ZPBP: variants seen among roughly 807,000 people sequenced by gnomAD.
ZPBP encodes zona pellucida binding protein.
A neutral mutation model predicts 44.8 loss-of-function variants in ZPBP; 26 were observed. The observed-to-expected ratio is 0.58, with a 90% CI of 0.43 to 0.81. The LOEUF is 0.81. ZPBP is among the 30% of genes least tolerant of loss of function. The pLI is 0.00. For synonymous variants in ZPBP, 174 were observed against 153.2 expected, an observed-to-expected ratio of 1.14 and a Z score of -1.00; for missense variants, 409 against 434.0, an observed-to-expected ratio of 0.94 and a Z score of 0.51.
chr7:49,982,309 T>TA (rs372716322), intron 7 of ZPBP, among the ~76,000 whole-genome samples: 17 of 17,426 alleles, frequency 9.8e-4, no homozygotes, highest in African/African-American at 8.7e-3. Context: ...TAATATATAA[T>TA]TATATAATAT....
chr7:49,880,097 G>A (rs374271881), intron 2 of ZPBP, among the ~76,000 whole-genome samples: 49 of 152,192 alleles, frequency 3.2e-4, no homozygotes, highest in African/African-American at 1.1e-3. Context: ...AATAACTCCC[G>A]TTAGATTTTG....
At chr7:49,859,692 C>T (rs1021633166) in intron 2 of ZPBP, among the ~76,000 whole-genome samples, 8 of 152,296 alleles carry the variant, frequency 5.3e-5, no homozygotes, top group Non-Finnish European at 8.8e-5. Flanking sequence ...TGTTGCCAAT[C>T]GGTGGGCAAG....
At chr7:49,900,892 G>C (rs1332669050) in intron 2 of ZPBP, among the ~76,000 whole-genome samples, 4 of 151,810 alleles carry the variant, frequency 2.6e-5, no homozygotes, top group Admixed American at 2.6e-4. Context: ...ACCCAACCAT[G>C]TGTAAGAATA....
At chr7:50,076,686 CA>C (rs1303690571) in intron 3 of ZPBP, among the ~76,000 whole-genome samples, 1 of 150,692 alleles carries the variant, frequency 6.6e-6, no homozygotes, top group Non-Finnish European at 1.5e-5. Context: ...AGGAATTAAC[CA>C]AAAAAGTGAA....
chr7:49,972,315 A>T (rs755252856), intron 7 of ZPBP, among the ~76,000 whole-genome samples: 7 of 152,012 alleles, frequency 4.6e-5, no homozygotes, highest in Non-Finnish European at 8.8e-5. Context: ...TTCACAGATG[A>T]CATTATCTTT....
chr7:50,049,796 A>AT (rs1800592766), intron 4 of ZPBP, among the ~76,000 whole-genome samples: 1 of 151,902 alleles, frequency 6.6e-6, no homozygotes, highest in Non-Finnish European at 1.5e-5. Flanking sequence ...TTTTCAACAT[A>AT]TATCTAAAGT....
intron 3 of ZPBP, among the ~76,000 whole-genome samples, chr7:50,073,450 A>G (rs1672649078): frequency 1.3e-5 from 2 of 152,140 alleles, no homozygotes; most frequent in African/African-American, 4.8e-5. Context: ...ATTGGCCTTA[A>G]TGAGGAGACA....
intron 7 of ZPBP, among the ~76,000 whole-genome samples, chr7:49,939,279 A>G (rs1794756280): frequency 6.6e-6 from 1 of 152,220 alleles, no homozygotes; most frequent in African/African-American, 2.4e-5. Context: ...TATATTGATT[A>G]TCAAAAATAG....
chr7:49,943,271 A>T (rs912105181), intron 7 of ZPBP: 1 of 287,872 alleles, frequency 3.5e-6, no homozygotes, highest in Non-Finnish European at 6.8e-6. Flanking sequence ...TGCAGTCTTC[A>T]GGGGTCTTAA....
chr7:49,912,194 C>T, intron 1 of ZPBP: 1 of 1,613,252 alleles, frequency 6.2e-7, no homozygotes, highest in Non-Finnish European at 8.5e-7. Flanking sequence ...AGACGCTTCC[C>T]AGAACACAAA....
rs1801060994 is a variant in ZPBP at position 50,058,129 on chromosome 7, G to C, written c.347C>G (p.Thr116Ser). 1 of 1,613,698 alleles carries C rather than the reference G, an allele frequency of 6.2e-7. No homozygotes were observed. Among genetic ancestry groups the C allele is most frequent in the African/African-American group, 1.3e-5 (1 of 75,028 alleles). ...KGKVVSVENR[T>S]AQITSTGSLV... is the part of the protein sequence containing the mutation. ...GCTTCCTGTGGATGTTATTTGTGCAGTGCGGTTTTCTACTAAAGGAATAAG... is the reference window on the plus strand; with the variant it reads ...GCTTCCTGTGGATGTTATTTGTGCACTGCGGTTTTCTACTAAAGGAATAAG... The change falls in exon 4 of 8, where the codon ACT becomes AGT. Residue 116 changes from threonine to serine, a missense_variant. Physicochemically the swap from Thr to Ser is moderately conservative, Grantham distance 58. Around this residue, in one of 2 missense-constraint regions of ZPBP, gnomAD observed 367 missense variants for 363.1 expected, o/e 1.01. Coordinates refer to ENST00000046087, the MANE Select transcript of ZPBP (RefSeq NM_007009.3).
chr7:49,973,756 C>T (rs1796391445), intron 7 of ZPBP, among the ~76,000 whole-genome samples: 1 of 152,100 alleles, frequency 6.6e-6, no homozygotes, highest in Non-Finnish European at 1.5e-5. Flanking sequence ...AATGGTGCAG[C>T]TGTTGTGGAA....
chr7:50,092,898 CAG>C (rs1803063315), intron 1 of ZPBP, 168 bp downstream of exon 1: 1 of 1,013,672 alleles, frequency 9.9e-7, no homozygotes, highest in South Asian at 1.8e-5. Context: ...TATGCAAATG[CAG>C]AGTGACTTTG....
chr7:50,019,675 A>C (rs547561545), intron 5 of ZPBP, among the ~76,000 whole-genome samples: 1 of 152,050 alleles, frequency 6.6e-6, no homozygotes, highest in Non-Finnish European at 1.5e-5. Context: ...TTTGTTGTTT[A>C]AACATATTTC....
chr7:49,980,439 C>T (rs1796795499), intron 7 of ZPBP, among the ~76,000 whole-genome samples: 2 of 149,210 alleles, frequency 1.3e-5, no homozygotes, highest in African/African-American at 4.9e-5. Context: ...TTTCATATTG[C>T]CATAAGAGGA....
downstream of ZPBP, among the ~76,000 whole-genome samples, chr7:49,847,937 A>C (rs691417): frequency 0.94 from 143,203 of 152,218 alleles, 67,481 homozygotes; most frequent in African/African-American, 0.98. Context: ...ATGGGTTAGC[A>C]CTGGGAGGGG....
At chr7:49,985,241 A>G (rs914625080) in intron 6 of ZPBP, among the ~76,000 whole-genome samples, 5 of 152,150 alleles carry the variant, frequency 3.3e-5, no homozygotes, top group African/African-American at 9.7e-5. Context: ...TATTTCTCAC[A>G]TTTATTTCAA....
intron 7 of ZPBP, among the ~76,000 whole-genome samples, chr7:49,942,013 G>A (rs1027524833): frequency 2.0e-5 from 3 of 151,972 alleles, no homozygotes; most frequent in African/African-American, 7.2e-5. Context: ...AATGGGGAAA[G>A]AACAATTTTT....
chr7:49,907,890 G>T (rs2128740749), intron 1 of ZPBP, among the ~76,000 whole-genome samples: 1 of 152,252 alleles, frequency 6.6e-6, no homozygotes, highest in Non-Finnish European at 1.5e-5. Flanking sequence ...TCATGCAGAT[G>T]AAGCCTCCAG....
Sources: allele counts gnomAD v4.1 joint callset (sites outside exome capture counted in the v4.1 genomes callset), GRCh38; gene constraint gnomAD v4.1.1; regional missense constraint gnomAD v4.1.1; transcripts MANE v1.5; gene names NCBI Gene and HGNC (gene_info 2026-07-23, HGNC 2026-07-21).